SHLD2: variants seen among roughly 807,000 people sequenced by gnomAD.
The protein encoded by SHLD2 is shieldin complex subunit 2.
In SHLD2, 30 loss-of-function variants were observed where a neutral mutation model predicts 73.2. That is an observed-to-expected ratio of 0.41 (90% CI 0.31 to 0.56). The LOEUF is 0.56. Ranked by LOEUF, SHLD2 falls within the 20% of genes least tolerant of loss-of-function variation. The probability of loss-of-function intolerance (pLI) is 0.28; values close to 1 mark genes in which losing one functional copy is unlikely to be tolerated. For missense variants in SHLD2, 745 were observed against 1,055.9 expected, an observed-to-expected ratio of 0.71 and a Z score of 4.08; for synonymous variants, 285 against 370.1, an observed-to-expected ratio of 0.77 and a Z score of 2.64.
chr10:87,099,304 T>C (rs1446892941), intron 2 of SHLD2, among the ~76,000 whole-genome samples: 2 of 152,210 alleles, frequency 1.3e-5, no homozygotes, highest in Non-Finnish European at 2.9e-5. Context: ...ACATAGCATA[T>C]AAATTCTTGA....
chr10:87,154,930 A>G (rs1477662717), intron 3 of SHLD2, among the ~76,000 whole-genome samples: 1 of 152,024 alleles, frequency 6.6e-6, no homozygotes, highest in Non-Finnish European at 1.5e-5. Context: ...AGGATTGTCA[A>G]GTACAATCTT....
intron 2 of SHLD2, among the ~76,000 whole-genome samples, chr10:87,131,625 G>C (rs1421468041): frequency 6.6e-6 from 1 of 151,930 alleles, no homozygotes; most frequent in East Asian, 1.9e-4. Context: ...ATGAACTTTT[G>C]GGTTGTTTCT....
At chr10:87,112,790 G>T (rs190021917) in intron 2 of SHLD2, among the ~76,000 whole-genome samples, 3 of 151,404 alleles carry the variant, frequency 2.0e-5, no homozygotes, top group Non-Finnish European at 4.4e-5. Flanking sequence ...ACCCTTATAG[G>T]GTTCCTTACT....
chr10:87,124,750 T>TG (rs1202314434), intron 2 of SHLD2, among the ~76,000 whole-genome samples: 10 of 141,362 alleles, frequency 7.1e-5, no homozygotes, highest in Non-Finnish European at 1.3e-4. Context: ...AAAATTGTTT[T>TG]TTTTTTTTTT....
intron 6 of SHLD2, among the ~76,000 whole-genome samples, chr10:87,175,389 A>G (rs1286418013): frequency 2.6e-5 from 4 of 151,188 alleles, no homozygotes; most frequent in African/African-American, 9.7e-5. Context: ...ATATTTTATT[A>G]AAATTATCTC....
rs1322607979 is a variant in SHLD2 at position 87,189,995 on chromosome 10, G to A, written c.2516-489G>A. Among the ~76,000 whole-genome samples, 17 of 152,120 alleles carry A rather than the reference G, an allele frequency of 1.1e-4. No individual in the cohort carries two copies. The East Asian group carries it at 2.3e-3, about 21-fold the overall frequency. On this transcript the variant is annotated intron_variant, in intron 9 of 9. Transcript: ENST00000298786. ...TCTTGTGTCAGGGGGATCACATGCC[G>A]TCACTCTGGAGTGCCTCAATAGCTT...
chr10:87,096,662 G>T (rs562688554), intron 1 of SHLD2, among the ~76,000 whole-genome samples: 28 of 152,188 alleles, frequency 1.8e-4, no homozygotes, highest in African/African-American at 6.5e-4. Context: ...CAGTGTACTT[G>T]GGTGGTTTTA....
At chr10:87,148,030 G>A (rs1420189584) in intron 2 of SHLD2, among the ~76,000 whole-genome samples, 1 of 152,000 alleles carries the variant, frequency 6.6e-6, no homozygotes, top group African/African-American at 2.4e-5. Flanking sequence ...GCTAATTTTC[G>A]TATTTTTACA....
At chr10:87,105,418 T>C (rs1395053446) in intron 2 of SHLD2, among the ~76,000 whole-genome samples, 1 of 152,186 alleles carries the variant, frequency 6.6e-6, no homozygotes, top group Non-Finnish European at 1.5e-5. Context: ...GAAAGACATG[T>C]CAATGAAGGA....
At chr10:87,131,941 T>G (rs1844459661) in intron 2 of SHLD2, among the ~76,000 whole-genome samples, 1 of 152,218 alleles carries the variant, frequency 6.6e-6, no homozygotes. Context: ...CTTTTTGTTT[T>G]GATTTGCATT....
intron 4 of SHLD2, among the ~76,000 whole-genome samples, chr10:87,163,553 TA>T (rs1846973911): frequency 6.6e-6 from 1 of 151,742 alleles, no homozygotes; most frequent in African/African-American, 2.4e-5. Flanking sequence ...TCTATAAGGC[TA>T]ATGACAGAAA....
chr10:87,147,072 GAA>G (rs76041937), intron 2 of SHLD2, among the ~76,000 whole-genome samples: 1,212 of 95,322 alleles, frequency 0.013, 11 homozygotes, highest in African/African-American at 0.043. Flanking sequence ...AAAAAAAAAA[GAA>G]AAAAAAAAAA....
At chr10:87,120,125 A>G (rs1219368385) in intron 2 of SHLD2, among the ~76,000 whole-genome samples, 1 of 152,042 alleles carries the variant, frequency 6.6e-6, no homozygotes, top group Non-Finnish European at 1.5e-5. Context: ...GTCCCTTGCA[A>G]CTTCGGTAAC....
At chr10:87,115,127 T>G (rs1041958699) in intron 2 of SHLD2, among the ~76,000 whole-genome samples, 2 of 152,166 alleles carry the variant, frequency 1.3e-5, no homozygotes, top group Non-Finnish European at 2.9e-5. Context: ...CTTGGCTCAC[T>G]GCAACCTCCG....
chr10:87,159,666 G>A (rs1414058393), intron 4 of SHLD2, among the ~76,000 whole-genome samples: 1 of 152,184 alleles, frequency 6.6e-6, no homozygotes, highest in Admixed American at 6.5e-5. Context: ...GAGCTAAAGA[G>A]CTGAGATATA....
intron 4 of SHLD2, among the ~76,000 whole-genome samples, chr10:87,160,572 A>G (rs1002034434): frequency 5.3e-5 from 8 of 152,140 alleles, no homozygotes; most frequent in Admixed American, 5.2e-4. Flanking sequence ...CCTAATGCCA[A>G]TGTCTTATTT....
At chr10:87,094,699 G>C (rs1032103097), upstream of SHLD2, 7 of 1,497,500 alleles carry the variant, frequency 4.7e-6, no homozygotes, top group African/African-American at 1.5e-5. This position sits in a 1 kb window ranked among gnomAD's most constrained non-coding sequence, Gnocchi z 6.6. Context: ...GGCCGAGTCG[G>C]CGGACGCCGA....
intron 4 of SHLD2, 63 bp downstream of exon 4, chr10:87,158,218 G>A: frequency 6.7e-7 from 1 of 1,503,220 alleles, no homozygotes; most frequent in Non-Finnish European, 8.9e-7. Context: ...TACTAGGAAA[G>A]ATTAGGGTTA....
intron 2 of SHLD2, among the ~76,000 whole-genome samples, chr10:87,131,363 T>TC (rs1052107358): frequency 1.1e-4 from 17 of 152,156 alleles, no homozygotes; most frequent in African/African-American, 4.1e-4. Context: ...AAGCAGTCAC[T>TC]CCCCATTCCC....
Sources: gnomAD v4.1 joint callset for allele counts (sites outside exome capture counted in the v4.1 genomes callset) on GRCh38, gnomAD v4.1.1 for gene constraint, Gnocchi (gnomAD v3.1) non-coding constraint, MANE v1.5 for transcripts, NCBI Gene and HGNC (gene_info 2026-07-23, HGNC 2026-07-21) for gene names.